The following CDYL variants were observed in gnomAD, a reference collection of about 807,000 sequenced individuals.
The protein encoded by CDYL is chromodomain Y like.
In CDYL, 8 loss-of-function variants were observed where a neutral mutation model predicts 47.3. The observed-to-expected ratio is 0.17, with a 90% CI of 0.10 to 0.31. CDYL has a LOEUF of 0.31. Among genes scored for constraint, CDYL ranks in the 10% least tolerant of loss-of-function variants. CDYL has a pLI of 1.00. For missense variants in CDYL, 471 were observed against 701.4 expected (o/e 0.67, Z 3.71); for synonymous variants, 266 against 265.0 (o/e 1.00, Z -0.04).
chr6:4,876,271 T>G (rs1761618514), intron 1 of CDYL, among the ~76,000 whole-genome samples: 1 of 152,370 alleles, frequency 6.6e-6, no homozygotes, highest in South Asian at 2.1e-4. Flanking sequence ...GTTTCTAGTT[T>G]GGAGCCATTA....
At chr6:4,951,125 G>A (rs1450911940) in intron 5 of CDYL, among the ~76,000 whole-genome samples, 1 of 152,114 alleles carries the variant, frequency 6.6e-6, no homozygotes, top group Non-Finnish European at 1.5e-5. Context: ...TGTATGGGCA[G>A]TCTTACACTG....
chr6:4,749,925 T>C (rs1446291859), intron 3 of CDYL, among the ~76,000 whole-genome samples: 2 of 152,172 alleles, frequency 1.3e-5, no homozygotes, highest in Admixed American at 1.3e-4. Context: ...GGGGTTCAGA[T>C]GAGAGGGCAG....
At chr6:4,734,852 T>C in intron 3 of CDYL, 1 of 1,613,966 alleles carries the variant, frequency 6.2e-7, no homozygotes, top group Non-Finnish European at 8.5e-7. Flanking sequence ...CAGGTAGGTC[T>C]TGGTTTCTCC....
At chr6:4,920,639 G>C (rs1006705127) in intron 2 of CDYL, among the ~76,000 whole-genome samples, 27 of 152,188 alleles carry the variant, frequency 1.8e-4, no homozygotes, top group African/African-American at 6.5e-4. Context: ...GATTGATTGA[G>C]ATGGAGTCTC....
chr6:4,797,460 G>A (rs551072814), intron 1 of CDYL, among the ~76,000 whole-genome samples: 50 of 142,936 alleles, frequency 3.5e-4, no homozygotes, highest in Admixed American at 2.8e-3. Context: ...TTCACATACC[G>A]TAGAATTTCT....
intron 2 of CDYL, among the ~76,000 whole-genome samples, chr6:4,909,190 G>A (rs758018757): frequency 6.6e-6 from 1 of 152,206 alleles, no homozygotes; most frequent in Non-Finnish European, 1.5e-5. Flanking sequence ...GTGTGTTGGA[G>A]AGAAGATACA....
chr6:4,894,851 G>GTATA (rs1561692177), intron 2 of CDYL, among the ~76,000 whole-genome samples: 1 of 104,350 alleles, frequency 9.6e-6, no homozygotes, highest in Non-Finnish European at 2.0e-5. Context: ...GTGTGTGTGT[G>GTATA]TGTGTATATG....
chr6:4,899,990 C>T (rs925163171), intron 2 of CDYL, among the ~76,000 whole-genome samples: 3 of 152,086 alleles, frequency 2.0e-5, no homozygotes, highest in African/African-American at 7.2e-5. Context: ...TGTCACAGCT[C>T]CAGAAATGTT....
At chr6:4,842,899 T>TG (rs1435321001) in intron 1 of CDYL, among the ~76,000 whole-genome samples, 1 of 152,210 alleles carries the variant, frequency 6.6e-6, no homozygotes, top group Non-Finnish European at 1.5e-5. Flanking sequence ...GGTTCTATTT[T>TG]GGTGTATGTC....
At chr6:4,922,370 T>C (rs1156576778) in intron 2 of CDYL, among the ~76,000 whole-genome samples, 1 of 152,256 alleles carries the variant, frequency 6.6e-6, no homozygotes, top group Non-Finnish European at 1.5e-5. Flanking sequence ...GAAAGAGTTA[T>C]CAATGCATGG....
At chr6:4,794,222 C>A (rs1305276626) in intron 1 of CDYL, among the ~76,000 whole-genome samples, 1 of 152,000 alleles carries the variant, frequency 6.6e-6, no homozygotes, top group Non-Finnish European at 1.5e-5. Flanking sequence ...GTAAAGAAGA[C>A]TGAGAAGAGA....
At chr6:4,766,129 G>A (rs1433118992) in intron 3 of CDYL, among the ~76,000 whole-genome samples, 2 of 152,168 alleles carry the variant, frequency 1.3e-5, no homozygotes, top group Non-Finnish European at 2.9e-5. Context: ...ACAATTTTAT[G>A]TTATTAACTT....
At chr6:4,841,924 ATAGTTT>A (rs1426949951) in intron 1 of CDYL, among the ~76,000 whole-genome samples, 4 of 148,788 alleles carry the variant, frequency 2.7e-5, no homozygotes, top group Non-Finnish European at 4.5e-5. Context: ...GTTATAAGTT[ATAGTTT>A]AAGTCCATTG....
At chr6:4,758,662 C>CA (rs1259623562) in intron 3 of CDYL, among the ~76,000 whole-genome samples, 1 of 151,084 alleles carries the variant, frequency 6.6e-6, no homozygotes, top group Non-Finnish European at 1.5e-5. Context: ...GACTCTGTCT[C>CA]AAAAAAACAC....
At position 4,954,693 on chromosome 6, in the gene CDYL, C is replaced by A. The variant is rs1758815422; in HGVS notation, c.*637C>A. 5.2e-5 allele frequency: 8 copies of A among 152,530 alleles called. No homozygotes were observed. In the South Asian group the frequency reaches 1.7e-3, roughly 32 times the overall value. The allele number at this position is 152,530 out of a possible 1,614,324, so 9.4% of individuals were successfully genotyped here. A position where few individuals can be genotyped will look rare whatever the true frequency, so the allele number is the denominator to read the frequency against. On this transcript the variant is annotated 3_prime_UTR_variant, in exon 7 of 7. Transcript: ENST00000397588. Reference sequence around the variant, plus strand: ...ATGCTGAGATATCAATTGGTTTCCCCTTCTTTTTAAAATACGTCCAGTTCT... The same window carrying A: ...ATGCTGAGATATCAATTGGTTTCCCATTCTTTTTAAAATACGTCCAGTTCT...
At chr6:4,933,067 T>C (rs535032511) in intron 2 of CDYL, among the ~76,000 whole-genome samples, 100 of 152,290 alleles carry the variant, frequency 6.6e-4, no homozygotes, top group African/African-American at 2.3e-3. Flanking sequence ...CCTGCTCTCC[T>C]TCCTTTGAGG....
chr6:4,912,787 C>T (rs1199506990), intron 2 of CDYL, among the ~76,000 whole-genome samples: 1 of 152,174 alleles, frequency 6.6e-6, no homozygotes, highest in Admixed American at 6.5e-5. Flanking sequence ...GGGGCAGAGC[C>T]TGCTTATGTG....
intron 3 of CDYL, among the ~76,000 whole-genome samples, chr6:4,747,982 C>T (rs1053195267): frequency 6.6e-6 from 1 of 152,204 alleles, no homozygotes; most frequent in Non-Finnish European, 1.5e-5. Flanking sequence ...TGTGCCTTAA[C>T]ACAATGCTGC....
At chr6:4,863,342 C>G (rs1391867213) in intron 1 of CDYL, among the ~76,000 whole-genome samples, 1 of 152,140 alleles carries the variant, frequency 6.6e-6, no homozygotes, top group Non-Finnish European at 1.5e-5. Flanking sequence ...CATGTAGTCC[C>G]CGAATCCAAA....
Sources: allele counts gnomAD v4.1 joint callset (sites outside exome capture counted in the v4.1 genomes callset), GRCh38; gene constraint gnomAD v4.1.1; transcripts MANE v1.5; gene names NCBI Gene and HGNC (gene_info 2026-07-23, HGNC 2026-07-21).